PTPRN2: variants seen among roughly 807,000 people sequenced by gnomAD.
PTPRN2 encodes the protein receptor-type tyrosine-protein phosphatase N2.
Under a neutral mutation model 118.8 loss-of-function variants are expected in PTPRN2, and 74 were observed. That is an observed-to-expected ratio of 0.62 (90% CI 0.52 to 0.76). The LOEUF (loss-of-function observed/expected upper bound fraction) is 0.76. Among genes scored for constraint, PTPRN2 ranks in the 30% least tolerant of loss-of-function variants. PTPRN2 has a pLI of 0.00. For synonymous variants in PTPRN2, 641 were observed against 608.0 expected, an observed-to-expected ratio of 1.05 and a Z score of -0.80; for missense variants, 1,481 against 1,394.4, an observed-to-expected ratio of 1.06 and a Z score of -0.99.
chr7:158,518,027 C>A (rs917954133), intron 1 of PTPRN2, among the ~76,000 whole-genome samples: 1 of 152,222 alleles, frequency 6.6e-6, no homozygotes, highest in African/African-American at 2.4e-5. Flanking sequence ...CCTGGACTCT[C>A]CCTGGCCCAG....
chr7:158,341,841 C>A (rs1195346392), intron 2 of PTPRN2, among the ~76,000 whole-genome samples: 1 of 74,230 alleles, frequency 1.3e-5, no homozygotes, highest in Non-Finnish European at 2.6e-5. Context: ...CACTCACACC[C>A]ACACTCTCAC....
intron 2 of PTPRN2, among the ~76,000 whole-genome samples, chr7:158,443,932 G>C (rs1439306223): frequency 2.0e-5 from 3 of 152,164 alleles, no homozygotes; most frequent in African/African-American, 7.2e-5. Context: ...GGGTGTCTGG[G>C]CTCACACCCA....
chr7:157,936,367 T>C (rs1011594180), intron 11 of PTPRN2, among the ~76,000 whole-genome samples: 3 of 152,174 alleles, frequency 2.0e-5, no homozygotes, highest in African/African-American at 7.2e-5. Flanking sequence ...AACCAGACTC[T>C]ACTGGGCTCA....
intron 11 of PTPRN2, among the ~76,000 whole-genome samples, chr7:157,975,219 TC>T (rs1802652571): frequency 6.6e-6 from 1 of 152,180 alleles, no homozygotes; most frequent in Non-Finnish European, 1.5e-5. Context: ...AACACTGCTG[TC>T]CACTCTCTTG....
rs1471150735 is a variant in PTPRN2, at chr7:157,813,684, C to T, written c.1788+84989G>A. 6.6e-6 allele frequency among the ~76,000 whole-genome samples: 1 copy of T among 151,948 alleles called. No homozygotes were observed. The highest frequency in any genetic ancestry group is 1.9e-4 in the East Asian group (1 of 5,196). On this transcript the variant is annotated intron_variant, in intron 12 of 22. Coordinates refer to ENST00000389418, the MANE Select transcript of PTPRN2 (RefSeq NM_002847.5). This position sits in a 1 kb window ranked among gnomAD's most constrained non-coding sequence, Gnocchi z 4.7. ...CATCGCTGTATTTTCCAGATGTCCACTGAGGAATGAGCATTGCTTTTTAAT... is the reference window on the plus strand; with the variant it reads ...CATCGCTGTATTTTCCAGATGTCCATTGAGGAATGAGCATTGCTTTTTAAT...
intron 2 of PTPRN2, among the ~76,000 whole-genome samples, chr7:158,336,271 C>A (rs1479011137): frequency 2.1e-5 from 2 of 96,138 alleles, no homozygotes; most frequent in African/African-American, 8.2e-5. Flanking sequence ...CACACTCTAG[C>A]CATAAGAGCT....
At chr7:158,024,968 G>C (rs1349893100) in intron 11 of PTPRN2, among the ~76,000 whole-genome samples, 1 of 152,212 alleles carries the variant, frequency 6.6e-6, no homozygotes, top group Admixed American at 6.5e-5. Context: ...GTCCTTGTCT[G>C]CTTGATTGTG....
At position 158,166,353 on chromosome 7, in the gene PTPRN2, CT is replaced by C. The variant is rs1342499949; in HGVS notation, c.910+577del. On this transcript the variant is annotated intron_variant, in intron 6 of 22. Coordinates refer to ENST00000389418, the MANE Select transcript of PTPRN2 (RefSeq NM_002847.5). Reference sequence around the variant, plus strand: ...GTCCTCACACCCTCAGGATCATCTCCTCCTCCCACTGGCCGCCGCGTTCCCT... The same window carrying C: ...GTCCTCACACCCTCAGGATCATCTCCCCTCCCACTGGCCGCCGCGTTCCCT... 7.7e-3 allele frequency among the ~76,000 whole-genome samples: 381 copies of C among 49,226 alleles called. 84 individuals are homozygous for C. The highest frequency in any genetic ancestry group is 0.015 in the East Asian group (15 of 978). 32.3% of individuals were successfully genotyped at this position (49,226 alleles called of 152,430 possible).
chr7:157,586,772 G>A (rs1288458511), intron 17 of PTPRN2, among the ~76,000 whole-genome samples: 1 of 152,168 alleles, frequency 6.6e-6, no homozygotes, highest in Non-Finnish European at 1.5e-5. Context: ...TTGGACACTC[G>A]GTCTGTCCGG....
chr7:158,274,243 C>CGGGAGCCGCAGACACG (rs1375601640), intron 3 of PTPRN2, among the ~76,000 whole-genome samples: 3 of 110,956 alleles, frequency 2.7e-5, no homozygotes, highest in African/African-American at 7.2e-5. Flanking sequence ...GCCACAGACA[C>CGGGAGCCGCAGACACG]GGGAGCCGCA....
intron 1 of PTPRN2, among the ~76,000 whole-genome samples, chr7:158,531,163 G>C (rs187406729): frequency 8.5e-5 from 13 of 152,138 alleles, no homozygotes; most frequent in African/African-American, 1.9e-4. Context: ...GTTACAGCCC[G>C]GCCAACAGCT....
At chr7:157,748,629 A>G (rs1363682239) in intron 12 of PTPRN2, among the ~76,000 whole-genome samples, 1 of 147,144 alleles carries the variant, frequency 6.8e-6, no homozygotes, top group Non-Finnish European at 1.5e-5. Context: ...TGTTGACGTG[A>G]TTCTGATGCC....
chr7:158,478,004 T>A (rs1253619763), intron 2 of PTPRN2, among the ~76,000 whole-genome samples: 1 of 152,140 alleles, frequency 6.6e-6, no homozygotes. Context: ...AGAGCGCTGG[T>A]CAGCGGAGCA....
At chr7:157,571,747 G>T (rs1282635845) in intron 19 of PTPRN2, among the ~76,000 whole-genome samples, 1 of 152,158 alleles carries the variant, frequency 6.6e-6, no homozygotes, top group African/African-American at 2.4e-5. Flanking sequence ...GGGGTGCCAG[G>T]CTTTGAACCA....
chr7:157,801,411 G>C lies in PTPRN2; in HGVS notation c.1788+97262C>G, dbSNP rs551393376. Among the ~76,000 whole-genome samples, 1 of 151,908 alleles carries C rather than the reference G, an allele frequency of 6.6e-6. No homozygotes were observed. The highest frequency in any genetic ancestry group is 1.5e-5 in the Non-Finnish European group (1 of 68,028). ...TATTCACGGAGAGGCTCTGCATCAC[G>C]AGAGTGCTGCGTTAACCCAGGTGCG... On this transcript the variant is annotated intron_variant, in intron 12 of 22. Coordinates refer to ENST00000389418, the MANE Select transcript of PTPRN2 (RefSeq NM_002847.5). This position sits in a 1 kb window ranked among gnomAD's most constrained non-coding sequence, Gnocchi z 4.2.
At chr7:157,673,534 G>T (rs1406809635) in intron 13 of PTPRN2, among the ~76,000 whole-genome samples, 1 of 148,394 alleles carries the variant, frequency 6.7e-6, no homozygotes, top group Non-Finnish European at 1.5e-5. Flanking sequence ...GAAAAAATGG[G>T]AGAGGAGTAG....
At chr7:157,593,791 A>C (rs1361150349) in intron 17 of PTPRN2, among the ~76,000 whole-genome samples, 2 of 152,164 alleles carry the variant, frequency 1.3e-5, no homozygotes, top group Non-Finnish European at 2.9e-5. Flanking sequence ...TGGGAAAGGC[A>C]TGTTCTCACC....
rs760342541 is a variant in PTPRN2, at chr7:157,676,961, C to T, written c.2001+5764G>A. ...ACACAAGCCTAAGGGAAGCAGCACC[C>T]GCTCCACAGACACCACGCACACCGC... On this transcript the variant is annotated intron_variant, in intron 13 of 22. Coordinates refer to ENST00000389418, the MANE Select transcript of PTPRN2 (RefSeq NM_002847.5). This position sits in a 1 kb window ranked among gnomAD's most constrained non-coding sequence, Gnocchi z 5.6. Among the ~76,000 whole-genome samples the T allele has an allele frequency of 6.6e-6, 1 of 152,118 alleles. No homozygotes were observed. Among genetic ancestry groups the T allele is most frequent in the South Asian group, 2.1e-4 (1 of 4,828 alleles).
intron 11 of PTPRN2, among the ~76,000 whole-genome samples, chr7:158,071,349 G>C (rs377136123): frequency 1.2e-3 from 115 of 93,430 alleles, no homozygotes; most frequent in African/African-American, 3.8e-3. Context: ...GGAGGTGCTC[G>C]TGGTGGTGGA....
Sources: gnomAD v4.1 joint callset for allele counts (sites outside exome capture counted in the v4.1 genomes callset) on GRCh38, gnomAD v4.1.1 for gene constraint, Gnocchi (gnomAD v3.1) non-coding constraint, MANE v1.5 for transcripts, NCBI Gene and HGNC (gene_info 2026-07-23, HGNC 2026-07-21) for gene names.